The following SLX4IP variants were observed in gnomAD, a reference collection of about 807,000 sequenced individuals.
SLX4IP encodes the protein SLX4 interacting protein.
In SLX4IP, 34 loss-of-function variants were observed where a neutral mutation model predicts 32.9. The ratio of observed to expected loss-of-function variants is 1.03; its 90% CI spans 0.79 to 1.38. SLX4IP has a LOEUF of 1.38. Among genes scored for constraint, SLX4IP ranks in the 40% most tolerant of loss-of-function variants. SLX4IP has a pLI of 0.00. For synonymous variants in SLX4IP, 172 were observed against 171.7 expected (o/e 1.00, Z -0.01); for missense variants, 444 against 479.0 (o/e 0.93, Z 0.68).
chr20:10,574,450 C>T (rs561426713), intron 4 of SLX4IP, among the ~76,000 whole-genome samples: 1 of 152,266 alleles, frequency 6.6e-6, no homozygotes, highest in African/African-American at 2.4e-5. Flanking sequence ...ATTTTTCCAT[C>T]ATAAAACAAA....
At chr20:10,592,350 C>CA (rs1387344052) in intron 4 of SLX4IP, among the ~76,000 whole-genome samples, 3 of 148,324 alleles carry the variant, frequency 2.0e-5, no homozygotes, top group African/African-American at 7.8e-5. Context: ...TCTCCAACCC[C>CA]CCCCCATCAC....
chr20:10,601,997 G>C (rs774430957), intron 6 of SLX4IP, among the ~76,000 whole-genome samples, 178 bp downstream of exon 6: 57 of 152,302 alleles, frequency 3.7e-4, no homozygotes, highest in Non-Finnish European at 7.2e-4. Flanking sequence ...TTCGTGTATT[G>C]TTCTTCTTTT....
chr20:10,566,671 A>G (rs1202168693), intron 4 of SLX4IP, among the ~76,000 whole-genome samples: 1 of 152,160 alleles, frequency 6.6e-6, no homozygotes, highest in East Asian at 1.9e-4. Flanking sequence ...ATCACAACTG[A>G]GTTTTCAATA....
At chr20:10,477,239 T>G (rs561402647) in intron 2 of SLX4IP, among the ~76,000 whole-genome samples, 1 of 152,218 alleles carries the variant, frequency 6.6e-6, no homozygotes, top group South Asian at 2.1e-4. Flanking sequence ...CTCCGCCTCC[T>G]GGGTTCAAGT....
chr20:10,477,228 C>T (rs1409698040), intron 2 of SLX4IP, among the ~76,000 whole-genome samples: 1 of 151,982 alleles, frequency 6.6e-6, no homozygotes, highest in African/African-American at 2.4e-5. Flanking sequence ...CTCACTGCAA[C>T]CTCCGCCTCC....
chr20:10,501,611 C>T (rs1234517785), intron 2 of SLX4IP, among the ~76,000 whole-genome samples: 1 of 152,276 alleles, frequency 6.6e-6, no homozygotes, highest in Non-Finnish European at 1.5e-5. Context: ...TGCCACCCCA[C>T]TTGGTTCTCG....
intron 2 of SLX4IP, among the ~76,000 whole-genome samples, chr20:10,538,772 C>T (rs1030007521): frequency 2.0e-5 from 3 of 152,194 alleles, no homozygotes; most frequent in African/African-American, 7.2e-5. Context: ...AGTGATCCAC[C>T]TGCCATGGCC....
At chr20:10,582,273 G>A (rs938572989) in intron 4 of SLX4IP, among the ~76,000 whole-genome samples, 9 of 152,082 alleles carry the variant, frequency 5.9e-5, no homozygotes, top group Non-Finnish European at 1.3e-4. Context: ...TTCTCCATAG[G>A]CCATTAGAGT....
At chr20:10,502,705 G>C (rs913050215) in intron 2 of SLX4IP, among the ~76,000 whole-genome samples, 1 of 151,488 alleles carries the variant, frequency 6.6e-6, no homozygotes, top group African/African-American at 2.4e-5. Flanking sequence ...AAAATTTTCT[G>C]TCTTGTTCTC....
At chr20:10,609,253 A>G (rs948135381) in intron 6 of SLX4IP, among the ~76,000 whole-genome samples, 1 of 152,218 alleles carries the variant, frequency 6.6e-6, no homozygotes, top group African/African-American at 2.4e-5. Flanking sequence ...CTAAAAGCCC[A>G]TCTTCATCAG....
Position 10,500,866 on chromosome 20 carries a change from G to C in SLX4IP, c.27+42635G>C, listed in dbSNP as rs141845854. Among the ~76,000 whole-genome samples the C allele has an allele frequency of 8.5e-5, 13 of 152,316 alleles. No individual in the cohort carries two copies. The East Asian group carries it at 2.3e-3, about 27-fold the overall frequency. Reference sequence around the variant, plus strand: ...ATTTCAGGATTCTAATTTGCAACCAGTTTTGTTTTATGGATAATGTTCTTG... The same window carrying C: ...ATTTCAGGATTCTAATTTGCAACCACTTTTGTTTTATGGATAATGTTCTTG... On this transcript the variant is annotated intron_variant, in intron 2 of 7. Coordinates refer to ENST00000334534, the MANE Select transcript of SLX4IP (RefSeq NM_001009608.3).
rs79847182 is a variant in SLX4IP, at chr20:10,624,502, C to T, written c.*1123C>T. 4 of 151,982 alleles carry T rather than the reference C, an allele frequency of 2.6e-5. No individual in the cohort carries two copies. The highest frequency in any genetic ancestry group is 6.5e-5 in the Admixed American group (1 of 15,276). 9.4% of individuals were successfully genotyped at this position (151,982 alleles called of 1,614,324 possible). A position where few individuals can be genotyped will look rare whatever the true frequency, so the allele number is the denominator to read the frequency against. ...ACACCCGCTAAAAGTTTCCAATAAC[C>T]GAATTTCACTCTAAAAGAGGAAAGA... On this transcript the variant is annotated 3_prime_UTR_variant, in exon 8 of 8. Coordinates refer to ENST00000334534, the MANE Select transcript of SLX4IP (RefSeq NM_001009608.3).
At chr20:10,440,656 C>T (rs2065153703) in intron 1 of SLX4IP, among the ~76,000 whole-genome samples, 1 of 152,128 alleles carries the variant, frequency 6.6e-6, no homozygotes, top group Non-Finnish European at 1.5e-5. Flanking sequence ...TTGTAGTACT[C>T]CTTACCCCTT....
chr20:10,518,227 T>C lies in SLX4IP; in HGVS notation c.28-38004T>C, dbSNP rs534445055. 1.2e-3 allele frequency among the ~76,000 whole-genome samples: 179 copies of C among 152,288 alleles called. 1 individual carries two copies. The highest frequency in any genetic ancestry group is 3.9e-3 in the African/African-American group (162 of 41,530). ...AAGTTAATGTTCTGTTAGGAAGATA[T>C]ACTTGCTAACTTTAAGAACACATTG... On this transcript the variant is annotated intron_variant, in intron 2 of 7. Transcript: ENST00000334534.
At chr20:10,461,864 A>G (rs754834769) in intron 2 of SLX4IP, among the ~76,000 whole-genome samples, 2 of 152,060 alleles carry the variant, frequency 1.3e-5, no homozygotes, top group African/African-American at 2.4e-5. Flanking sequence ...TTCAGCCTTG[A>G]CCTCCTGGGC....
At chr20:10,616,007 A>G (rs1401347451) in intron 6 of SLX4IP, among the ~76,000 whole-genome samples, 7 of 152,192 alleles carry the variant, frequency 4.6e-5, no homozygotes, top group Non-Finnish European at 8.8e-5. Flanking sequence ...TGGAGGGGAC[A>G]CAGTCATACC....
intron 1 of SLX4IP, among the ~76,000 whole-genome samples, chr20:10,436,360 CTTTCT>C (rs2065114153): frequency 8.7e-6 from 1 of 115,366 alleles, no homozygotes; most frequent in Non-Finnish European, 2.1e-5. Flanking sequence ...CCCTTTCTTT[CTTTCT>C]TTTTTTTTTT....
At chr20:10,446,851 G>C (rs2065206537) in intron 1 of SLX4IP, among the ~76,000 whole-genome samples, 1 of 152,022 alleles carries the variant, frequency 6.6e-6, no homozygotes, top group Non-Finnish European at 1.5e-5. Context: ...ATGTATTCTA[G>C]ATAGAAATCC....
intron 2 of SLX4IP, among the ~76,000 whole-genome samples, chr20:10,554,379 A>G (rs928615208): frequency 6.6e-6 from 1 of 152,212 alleles, no homozygotes; most frequent in Non-Finnish European, 1.5e-5. Flanking sequence ...GTTATTATAA[A>G]TAAAACTTCC....
Sources: gnomAD v4.1 joint callset for allele counts (sites outside exome capture counted in the v4.1 genomes callset) on GRCh38, gnomAD v4.1.1 for gene constraint, MANE v1.5 for transcripts, NCBI Gene and HGNC (gene_info 2026-07-23, HGNC 2026-07-21) for gene names.